The following RUBCN variants were observed in gnomAD, a reference collection of about 807,000 sequenced individuals.
The protein encoded by RUBCN is rubicon autophagy regulator.
RUBCN carries 74 observed loss-of-function variants against 113.2 expected under a neutral mutation model. That is an observed-to-expected ratio of 0.65 (90% CI 0.54 to 0.79). RUBCN has a LOEUF of 0.79. RUBCN is among the 30% of genes least tolerant of loss of function. RUBCN has a pLI of 0.00. For missense variants in RUBCN, 1,109 were observed against 1,251.7 expected (o/e 0.89, Z 1.72); for synonymous variants, 480 against 490.0 (o/e 0.98, Z 0.27).
chr3:197,686,531 C>T (rs945182266), intron 11 of RUBCN, among the ~76,000 whole-genome samples: 3 of 152,186 alleles, frequency 2.0e-5, no homozygotes, highest in African/African-American at 7.2e-5. Context: ...CCTGGGCCTG[C>T]GCTGCAGCCC....
In RUBCN at chr3:197,675,858, A is replaced by G. The variant is rs1720340833; in HGVS notation, c.2647-343T>C. 6.6e-6 allele frequency among the ~76,000 whole-genome samples: 1 copy of G among 150,614 alleles called. No homozygotes were observed. Among genetic ancestry groups the G allele is most frequent in the Non-Finnish European group, 1.5e-5 (1 of 67,334 alleles). The stretch of plus-strand genomic sequence containing the variant: ...TATTTCAGAATAGGAACCACAAGCA[A>G]TTAAGATAAAATGTGGAGACGAGGC... On this transcript the variant is annotated intron_variant, in intron 18 of 19. Transcript: ENST00000296343. This position sits in a 1 kb window ranked among gnomAD's most constrained non-coding sequence, Gnocchi z 4.4.
intron 10 of RUBCN, 87 bp from the exon 11 acceptor site, chr3:197,693,903 T>C: frequency 2.3e-6 from 2 of 878,946 alleles, no homozygotes; most frequent in South Asian, 2.7e-5. Flanking sequence ...GGATCTGATA[T>C]GACCTCAACA....
intron 5 of RUBCN, 63 bp from the exon 6 acceptor site, chr3:197,701,927 G>C: frequency 6.7e-7 from 1 of 1,487,430 alleles, no homozygotes. Context: ...TCAGAGTGGG[G>C]GCAACGCAGT....
In RUBCN at chr3:197,733,253, C is replaced by T. The variant is rs538231635; in HGVS notation, c.65+3402G>A. 2.6e-5 allele frequency among the ~76,000 whole-genome samples: 4 copies of T among 152,214 alleles called. No homozygotes were observed. The South Asian group carries it at 8.3e-4, about 32-fold the overall frequency. ...TCTGGGAGGCCAAGGCAGCAAGATCCCTTGAGGCCAGGAGTTTGAGACTGG... is the reference window on the plus strand; with the variant it reads ...TCTGGGAGGCCAAGGCAGCAAGATCTCTTGAGGCCAGGAGTTTGAGACTGG... On this transcript the variant is annotated intron_variant, in intron 1 of 19. Transcript: ENST00000296343.
At chr3:197,717,625 C>T (rs1170287661) in intron 2 of RUBCN, among the ~76,000 whole-genome samples, 2 of 152,100 alleles carry the variant, frequency 1.3e-5, no homozygotes, top group Non-Finnish European at 2.9e-5. Flanking sequence ...TTGGTTTCAG[C>T]CCCGTGAAAC....
At chr3:197,737,075 G>C (rs1484915333), upstream of RUBCN, 1 of 504,054 alleles carries the variant, frequency 2.0e-6, no homozygotes, top group East Asian at 8.5e-5. Context: ...CGCAGGCCGC[G>C]CCCTCCAATC....
intron 1 of RUBCN, among the ~76,000 whole-genome samples, chr3:197,720,101 G>A (rs551356793): frequency 6.6e-6 from 1 of 151,760 alleles, no homozygotes; most frequent in Non-Finnish European, 1.5e-5. Flanking sequence ...CTGTGCAACA[G>A]AGCACCAGAA....
At position 197,725,351 on chromosome 3, in the gene RUBCN, G is replaced by C. The variant is rs1056467954; in HGVS notation, c.66-7221C>G. On this transcript the variant is annotated intron_variant, in intron 1 of 19. Transcript: ENST00000296343. ...TTAATTATCTAGTATTTAACTTGCAGGCTGTGTAGTTGAATGTGCTCCTTT... is the reference window on the plus strand; with the variant it reads ...TTAATTATCTAGTATTTAACTTGCACGCTGTGTAGTTGAATGTGCTCCTTT... 4.0e-5 allele frequency among the ~76,000 whole-genome samples: 6 copies of C among 151,832 alleles called. No individual in the cohort carries two copies. The East Asian group carries it at 9.7e-4, about 24-fold the overall frequency.
intron 2 of RUBCN, among the ~76,000 whole-genome samples, chr3:197,707,414 T>C (rs1415318418): frequency 6.7e-6 from 1 of 149,852 alleles, no homozygotes; most frequent in Non-Finnish European, 1.5e-5. Context: ...AATAAACTAC[T>C]TTTTTGTTTG....
Position 197,670,649 on chromosome 3 carries a change from T to C in RUBCN, c.*4369A>G, listed in dbSNP as rs1396720957. On this transcript the variant is annotated 3_prime_UTR_variant, in exon 20 of 20. Coordinates refer to ENST00000296343, the MANE Select transcript of RUBCN (RefSeq NM_014687.4). ...AGTTGAAAAACATTTGAACATTTTA[T>C]CAACTTCAGCAGTCTTTCACATGGC... is the stretch of plus-strand genomic sequence containing the variant. Among the ~76,000 whole-genome samples, 2 of 152,254 alleles carry C rather than the reference T, an allele frequency of 1.3e-5. No individual in the cohort carries two copies.
At position 197,675,057 on chromosome 3, in the gene RUBCN, T is replaced by C; in HGVS notation, c.2880A>G (p.Glu960=). The C allele has an allele frequency of 2.5e-6, 4 of 1,613,218 alleles. No individual in the cohort carries two copies. Among genetic ancestry groups the C allele is most frequent in the Non-Finnish European group, 3.4e-6 (4 of 1,179,914 alleles). ...YLSDYEEEPA[E]ALALEAAVLE... is the part of the protein sequence containing the mutation. Reference sequence around the variant, plus strand: ...GGACGGCGGCTTCCAGGGCCAGCGCTTCCGCGGGCTCCTCCTCGTAGTCTG... The same window carrying C: ...GGACGGCGGCTTCCAGGGCCAGCGCCTCCGCGGGCTCCTCCTCGTAGTCTG... The change falls in exon 20 of 20, where the codon GAA becomes GAG. Residue 960 remains glutamate (E), a synonymous_variant. Coordinates refer to ENST00000296343, the MANE Select transcript of RUBCN (RefSeq NM_014687.4). The surrounding 1 kb of genome is among the most constrained non-coding windows in gnomAD (Gnocchi z 4.4).
Position 197,681,479 on chromosome 3 carries a change from G to A in RUBCN, c.2192-112C>T. ...AGAGAGGGACAGCCAATGGCCTCCA[G>A]CAACCTCTGTCTGAGTTCCCCAAAG... On this transcript the variant is annotated intron_variant, in intron 15 of 19. Coordinates refer to ENST00000296343, the MANE Select transcript of RUBCN (RefSeq NM_014687.4). This position sits in a 1 kb window ranked among gnomAD's most constrained non-coding sequence, Gnocchi z 5.5. 1.3e-6 allele frequency: 1 copy of A among 798,368 alleles called. No individual in the cohort carries two copies. Among genetic ancestry groups the A allele is most frequent in the Non-Finnish European group, 2.1e-6 (1 of 467,436 alleles). 49.5% of individuals were successfully genotyped at this position (798,368 alleles called of 1,614,324 possible).
At chr3:197,726,513 T>C (rs533482258) in intron 1 of RUBCN, among the ~76,000 whole-genome samples, 32 of 151,578 alleles carry the variant, frequency 2.1e-4, no homozygotes, top group African/African-American at 6.8e-4. Flanking sequence ...CCCAAAGTGC[T>C]GGGATTACAG....
chr3:197,672,466 G>C lies in RUBCN; in HGVS notation c.*2552C>G, dbSNP rs569338881. On this transcript the variant is annotated 3_prime_UTR_variant, in exon 20 of 20. Transcript: ENST00000296343. The stretch of plus-strand genomic sequence containing the variant: ...AACTGGGTATTTGGAAGGTGAGGAC[G>C]GCATCGTGTCAGAGTCACTAAAACA... The C allele has an allele frequency of 6.6e-6, 1 of 152,322 alleles. No homozygotes were observed. The highest frequency in any genetic ancestry group is 2.4e-5 in the African/African-American group (1 of 41,556). The allele number at this position is 152,322 out of a possible 1,614,324, so 9.4% of individuals were successfully genotyped here. A position where few individuals can be genotyped will look rare whatever the true frequency, so the allele number is the denominator to read the frequency against.
intron 1 of RUBCN, among the ~76,000 whole-genome samples, chr3:197,733,786 A>C (rs983858697): frequency 6.6e-6 from 1 of 152,216 alleles, no homozygotes; most frequent in Non-Finnish European, 1.5e-5. Context: ...GTTTTGATTA[A>C]AGTTTTTTGG....
intron 1 of RUBCN, among the ~76,000 whole-genome samples, chr3:197,735,262 G>T (rs926751267): frequency 6.6e-6 from 1 of 152,212 alleles, no homozygotes; most frequent in Non-Finnish European, 1.5e-5. Context: ...AGCCAGATGT[G>T]GTAGCTGGCA....
intron 2 of RUBCN, among the ~76,000 whole-genome samples, chr3:197,707,138 TC>T (rs1337120676): frequency 1.5e-4 from 22 of 151,368 alleles, no homozygotes; most frequent in African/African-American, 5.4e-4. Context: ...GGTCAGGAGG[TC>T]AAGACCACAG....
Position 197,675,438 on chromosome 3 carries a change from C to G in RUBCN, c.2724G>C (p.Lys908Asn), listed in dbSNP as rs1348041090. 1.9e-6 allele frequency: 3 copies of G among 1,613,912 alleles called. No individual in the cohort carries two copies. The highest frequency in any genetic ancestry group is 2.7e-5 in the African/African-American group (2 of 75,036). ...DDIIFPFELH[K>N]CRTCEECKAC... Reference sequence around the variant, plus strand: ...TGCCCTCACCTTCACAGGTCCGGCACTTATGGAGCTCAAAGGGAAAGATGA... The same window carrying G: ...TGCCCTCACCTTCACAGGTCCGGCAGTTATGGAGCTCAAAGGGAAAGATGA... The change falls in exon 19 of 20, where the codon AAG (lysine) becomes AAC (asparagine). Residue 908 changes from lysine to asparagine, a missense_variant. By Grantham distance (94) the Lys-to-Asn change is moderately conservative (BLOSUM62 0). This residue lies in a region of RUBCN where 306 missense variants were observed against 348.9 expected (regional missense o/e 0.88). Transcript: ENST00000296343. The surrounding 1 kb of genome is among the most constrained non-coding windows in gnomAD (Gnocchi z 4.4).
At chr3:197,738,654 C>G (rs956051061), upstream of RUBCN, among the ~76,000 whole-genome samples, 1 of 152,220 alleles carries the variant, frequency 6.6e-6, no homozygotes, top group Non-Finnish European at 1.5e-5. Context: ...AGCGCTGCCA[C>G]AGTTCACTGC....
Sources: gnomAD v4.1 joint callset for allele counts (sites outside exome capture counted in the v4.1 genomes callset) on GRCh38, gnomAD v4.1.1 for gene constraint, gnomAD v4.1.1 regional missense constraint, Gnocchi (gnomAD v3.1) non-coding constraint, MANE v1.5 for transcripts, NCBI Gene and HGNC (gene_info 2026-07-23, HGNC 2026-07-21) for gene names.